SH2D4A: variants seen among roughly 807,000 people sequenced by gnomAD.
SH2D4A encodes the protein SH2 domain containing 4A, also known as SH2 domain-containing protein 4A.
A neutral mutation model predicts 64.7 loss-of-function variants in SH2D4A; 70 were observed. That is an observed-to-expected ratio of 1.08 (90% CI 0.89 to 1.32). SH2D4A has a LOEUF of 1.32. Ranked by LOEUF, SH2D4A falls within the 40% of genes most tolerant of loss-of-function variation. The pLI is 0.00. For synonymous variants in SH2D4A, 268 were observed against 200.7 expected (o/e 1.34, Z -2.83); for missense variants, 706 against 540.1 (o/e 1.31, Z -3.04).
intron 4 of SH2D4A, among the ~76,000 whole-genome samples, chr8:19,340,601 C>CTTTTTTTTTTTTTTTTTT (rs535915285): frequency 9.9e-6 from 1 of 100,528 alleles, no homozygotes; most frequent in Non-Finnish European, 2.0e-5. Context: ...TTCTTTCTTT[C>CTTTTTTTTTTTTTTTTTT]TTTTTTTTTT....
At chr8:19,333,979 CT>C (rs1269672627) in intron 3 of SH2D4A, among the ~76,000 whole-genome samples, 1 of 152,174 alleles carries the variant, frequency 6.6e-6, no homozygotes, top group Non-Finnish European at 1.5e-5. Flanking sequence ...GAGTTTGGAA[CT>C]TATTCTCTGG....
intron 7 of SH2D4A, 24 bp downstream of exon 7, chr8:19,364,306 T>C (rs750214923): frequency 1.9e-6 from 3 of 1,612,316 alleles, no homozygotes; most frequent in Admixed American, 3.3e-5. Context: ...CAGATGGGTT[T>C]ATGCATAAAC....
At chr8:19,386,853 C>G (rs1412619101) in intron 8 of SH2D4A, among the ~76,000 whole-genome samples, 3 of 152,246 alleles carry the variant, frequency 2.0e-5, no homozygotes, top group African/African-American at 7.2e-5. Context: ...GATCACAACT[C>G]ACTGCAGCCT....
chr8:19,328,298 A>G (rs1485919102), intron 2 of SH2D4A, among the ~76,000 whole-genome samples: 1 of 152,110 alleles, frequency 6.6e-6, no homozygotes, highest in Non-Finnish European at 1.5e-5. Flanking sequence ...TGTCGATTGA[A>G]AGTCCTCATA....
intron 8 of SH2D4A, among the ~76,000 whole-genome samples, chr8:19,381,650 T>C (rs78034258): frequency 0.047 from 7,083 of 152,276 alleles, 195 homozygotes; most frequent in Middle Eastern, 0.085. Context: ...TTTTATTTAT[T>C]TTATCTAACA....
At chr8:19,392,683 T>A (rs1472679069) in intron 8 of SH2D4A, among the ~76,000 whole-genome samples, 1 of 152,034 alleles carries the variant, frequency 6.6e-6, no homozygotes, top group Non-Finnish European at 1.5e-5. Context: ...TTATAAACCG[T>A]CTAACACCTG....
chr8:19,345,869 C>T (rs2052605596), intron 4 of SH2D4A, among the ~76,000 whole-genome samples: 1 of 152,190 alleles, frequency 6.6e-6, no homozygotes, highest in South Asian at 2.1e-4. Context: ...TGCCCCAGTT[C>T]TAAGAGTGAA....
At chr8:19,361,944 T>G (rs1327319356) in intron 6 of SH2D4A, among the ~76,000 whole-genome samples, 3 of 152,152 alleles carry the variant, frequency 2.0e-5, no homozygotes, top group Non-Finnish European at 4.4e-5. Flanking sequence ...GTGAGCAGAA[T>G]GGGTGAGAAA....
At chr8:19,363,420 G>A (rs1212253747) in intron 6 of SH2D4A, among the ~76,000 whole-genome samples, 1 of 152,132 alleles carries the variant, frequency 6.6e-6, no homozygotes, top group Non-Finnish European at 1.5e-5. Context: ...TTGTGTTACA[G>A]TTGCCTTATG....
intron 7 of SH2D4A, among the ~76,000 whole-genome samples, chr8:19,373,038 T>G (rs576314460): frequency 1.3e-5 from 2 of 152,244 alleles, no homozygotes; most frequent in Admixed American, 1.3e-4. Context: ...AAAAGTGTAT[T>G]TTGCCTTTTA....
chr8:19,388,554 G>A (rs531691448), intron 8 of SH2D4A, among the ~76,000 whole-genome samples: 80 of 152,266 alleles, frequency 5.3e-4, no homozygotes, highest in Middle Eastern at 3.4e-3. Flanking sequence ...GTAGGGTTGC[G>A]GTGAGGATAA....
chr8:19,363,343 C>T (rs2052926045), intron 6 of SH2D4A, among the ~76,000 whole-genome samples: 1 of 152,094 alleles, frequency 6.6e-6, no homozygotes, highest in Non-Finnish European at 1.5e-5. Context: ...TCTCAAAGTG[C>T]AGGTATTACA....
At chr8:19,366,856 C>T (rs1467058171) in intron 7 of SH2D4A, among the ~76,000 whole-genome samples, 1 of 152,142 alleles carries the variant, frequency 6.6e-6, no homozygotes, top group African/African-American at 2.4e-5. Flanking sequence ...AGTGTTTGTC[C>T]TTCTGTGTTT....
chr8:19,323,554 T>A (rs1373683565), intron 2 of SH2D4A, among the ~76,000 whole-genome samples: 1 of 152,090 alleles, frequency 6.6e-6, no homozygotes, highest in Non-Finnish European at 1.5e-5. Flanking sequence ...CTAATTTTTG[T>A]ATTATTAGTA....
At chr8:19,339,495 C>CTTTTTTTTTTT (rs5889867) in intron 4 of SH2D4A, among the ~76,000 whole-genome samples, 4 of 129,026 alleles carry the variant, frequency 3.1e-5, no homozygotes, top group Admixed American at 8.3e-5. Context: ...TATAAACTTT[C>CTTTTTTTTTTT]TTTTTTTTTT....
At chr8:19,387,577 A>C (rs1002342364) in intron 8 of SH2D4A, among the ~76,000 whole-genome samples, 1 of 152,192 alleles carries the variant, frequency 6.6e-6, no homozygotes, top group African/African-American at 2.4e-5. Context: ...GTACCATCAC[A>C]TGCTTTCTGG....
At position 19,371,076 on chromosome 8, in the gene SH2D4A, AAAGTT is replaced by A. The variant is rs369685759; in HGVS notation, c.918-2452_918-2448del. ...TTTTTATATTACCTATCTTGTTATT[AAAGTT>A]ATTTTTGATAGTTCATTTTTTAGTC... On this transcript the variant is annotated intron_variant, in intron 7 of 9. Transcript: ENST00000265807. Among the ~76,000 whole-genome samples the A allele has an allele frequency of 1.6e-4, 25 of 152,220 alleles. 1 individual carries two copies. The highest frequency in any genetic ancestry group is 5.1e-4 in the African/African-American group (21 of 41,544).
rs11996859 is a variant in SH2D4A, at chr8:19,364,194, T to G, written c.829T>G (p.Leu277Val). 19 of 1,614,012 alleles carry G rather than the reference T, an allele frequency of 1.2e-5. No individual in the cohort carries two copies. Among genetic ancestry groups the G allele is most frequent in the Non-Finnish European group, 1.6e-5 (19 of 1,179,996 alleles). Reference sequence around the variant, plus strand: ...AGGCGGTGAGAGGCTGCAAAGCCCCTTGCGTGTTCCGCAGAAACCAGAAAG... The same window carrying G: ...AGGCGGTGAGAGGCTGCAAAGCCCCGTGCGTGTTCCGCAGAAACCAGAAAG... ...GRGGERLQSP[L>V]RVPQKPERPP... The change falls in exon 7 of 10, where the codon TTG becomes GTG. Residue 277 changes from leucine to valine, a missense_variant. By Grantham distance (32) the Leu-to-Val change is conservative (BLOSUM62 1). Transcript: ENST00000265807.
At chr8:19,318,344 A>G (rs1437382173) in intron 1 of SH2D4A, among the ~76,000 whole-genome samples, 1 of 152,248 alleles carries the variant, frequency 6.6e-6, no homozygotes, top group African/African-American at 2.4e-5. Flanking sequence ...TTACAAAAGT[A>G]TGATGGTTTA....
Sources: gnomAD v4.1 joint callset for allele counts (sites outside exome capture counted in the v4.1 genomes callset) on GRCh38, gnomAD v4.1.1 for gene constraint, MANE v1.5 for transcripts, NCBI Gene and HGNC (gene_info 2026-07-23, HGNC 2026-07-21) for gene names.